The following CCDC62 variants were observed in gnomAD, a reference collection of about 807,000 sequenced individuals.
CCDC62 encodes the protein coiled-coil domain containing 62, also known as coiled-coil domain-containing protein 62.
CCDC62 carries 72 observed loss-of-function variants against 80.8 expected under a neutral mutation model. The observed-to-expected ratio is 0.89, with a 90% CI of 0.74 to 1.08. The LOEUF (loss-of-function observed/expected upper bound fraction) is 1.08. Among genes scored for constraint, CCDC62 ranks in the 50% least tolerant of loss-of-function variants. CCDC62 has a pLI of 0.00. For missense variants in CCDC62, 704 were observed against 809.4 expected (o/e 0.87, Z 1.58); for synonymous variants, 286 against 296.5 (o/e 0.96, Z 0.36).
intron 6 of CCDC62, among the ~76,000 whole-genome samples, chr12:122,793,375 CA>C (rs2030746623): frequency 6.6e-6 from 1 of 152,020 alleles, no homozygotes; most frequent in Non-Finnish European, 1.5e-5. Context: ...AAAGAAAGCC[CA>C]GTAGAATCAT....
At position 122,796,206 on chromosome 12, in the gene CCDC62, G is replaced by A. The variant is rs143253822; in HGVS notation, c.773-1101G>A. On this transcript the variant is annotated intron_variant, in intron 6 of 12. Coordinates refer to ENST00000253079, the MANE Select transcript of CCDC62 (RefSeq NM_201435.5). ...CACCTGCCCTCCCCCACCGCCCCCCGACAACCCCACTGGCCAACATTCAGA... is the reference window on the plus strand; with the variant it reads ...CACCTGCCCTCCCCCACCGCCCCCCAACAACCCCACTGGCCAACATTCAGA... Among the ~76,000 whole-genome samples, 66 of 76,130 alleles carry A rather than the reference G, an allele frequency of 8.7e-4. No homozygotes were observed. The East Asian group carries it at 0.02, about 23-fold the overall frequency. 49.9% of individuals were successfully genotyped at this position (76,130 alleles called of 152,430 possible).
chr12:122,812,635 T>C lies in CCDC62; in HGVS notation c.1852-635T>C, dbSNP rs2031944711. On this transcript the variant is annotated intron_variant, in intron 10 of 12. Transcript: ENST00000253079. Reference sequence around the variant, plus strand: ...GGTGGGTGCCTGTAGTCCCAGCTACTTGGGAGGCTGAGGTGGGTGGAGCTT... The same window carrying C: ...GGTGGGTGCCTGTAGTCCCAGCTACCTGGGAGGCTGAGGTGGGTGGAGCTT... 2.6e-5 allele frequency among the ~76,000 whole-genome samples: 2 copies of C among 78,334 alleles called. 1 individual carries two copies. Among genetic ancestry groups the C allele is most frequent in the Non-Finnish European group, 5.8e-5 (2 of 34,300 alleles). The allele number at this position is 78,334 out of a possible 152,430, so 51.4% of individuals were successfully genotyped here. A position where few individuals can be genotyped will look rare whatever the true frequency, so the allele number is the denominator to read the frequency against.
Position 122,812,770 on chromosome 12 carries a change from AG to A in CCDC62, c.1852-499del, listed in dbSNP as rs1336308339. ...GAGAGAGGGAGGGAGAGAGAGAGAGAGAGAGAGAGAAAGAAAGAAAGAAAGA... is the reference window on the plus strand; with the variant it reads ...GAGAGAGGGAGGGAGAGAGAGAGAGAAGAGAGAGAAAGAAAGAAAGAAAGA... On this transcript the variant is annotated intron_variant, in intron 10 of 12. Coordinates refer to ENST00000253079, the MANE Select transcript of CCDC62 (RefSeq NM_201435.5). 3.0e-3 allele frequency among the ~76,000 whole-genome samples: 275 copies of A among 92,532 alleles called. 2 individuals carry two copies. The highest frequency in any genetic ancestry group is 0.014 in the African/African-American group (260 of 19,182). 60.7% of individuals were successfully genotyped at this position (92,532 alleles called of 152,430 possible). A position where few individuals can be genotyped will look rare whatever the true frequency, so the allele number is the denominator to read the frequency against.
chr12:122,794,718 G>A (rs939840165), intron 6 of CCDC62, among the ~76,000 whole-genome samples: 23 of 151,998 alleles, frequency 1.5e-4, no homozygotes, highest in Admixed American at 5.2e-4. Context: ...GTGCAGTGGT[G>A]CAATCATAGC....
At chr12:122,782,025 CAAAAAAAA>C (rs370400310) in intron 3 of CCDC62, among the ~76,000 whole-genome samples, 2 of 65,390 alleles carry the variant, frequency 3.1e-5, no homozygotes, top group South Asian at 1.0e-3. Flanking sequence ...GCCTGGGTGA[CAAAAAAAA>C]AAAAAAAAAA....
At chr12:122,783,787 G>A (rs1337091267) in intron 3 of CCDC62, among the ~76,000 whole-genome samples, 1 of 152,164 alleles carries the variant, frequency 6.6e-6, no homozygotes, top group Non-Finnish European at 1.5e-5. Context: ...AGAAAGTAGA[G>A]AGAGTTCTCA....
intron 6 of CCDC62, among the ~76,000 whole-genome samples, chr12:122,796,790 T>G (rs2135552554): frequency 6.6e-6 from 1 of 152,148 alleles, no homozygotes; most frequent in South Asian, 2.1e-4. Context: ...GTAATATGTA[T>G]TAAGTATAGA....
intron 8 of CCDC62, 149 bp from the exon 9 acceptor site, chr12:122,800,975 C>T: frequency 1.4e-6 from 1 of 725,322 alleles, no homozygotes; most frequent in African/African-American, 1.8e-5. Context: ...GAAAGGATTC[C>T]TGGAGAAGGT....
At chr12:122,811,696 T>C (rs1266499290) in intron 10 of CCDC62, among the ~76,000 whole-genome samples, 2 of 150,932 alleles carry the variant, frequency 1.3e-5, no homozygotes, top group African/African-American at 4.9e-5. Context: ...GGCACATGCC[T>C]GTAGTCCCAG....
At chr12:122,812,891 T>A (rs1055891201) in intron 10 of CCDC62, among the ~76,000 whole-genome samples, 2 of 151,866 alleles carry the variant, frequency 1.3e-5, no homozygotes, top group African/African-American at 4.8e-5. Flanking sequence ...TTGTAACACC[T>A]AAAGACAAAG....
At chr12:122,814,118 C>T (rs2032059022) in intron 11 of CCDC62, among the ~76,000 whole-genome samples, 1 of 151,546 alleles carries the variant, frequency 6.6e-6, no homozygotes, top group South Asian at 2.1e-4. Flanking sequence ...CCCGTCTCTA[C>T]TAAAAATACA....
At chr12:122,789,010 G>C (rs939040278) in intron 5 of CCDC62, 81 bp downstream of exon 5, 8 of 1,113,872 alleles carry the variant, frequency 7.2e-6, no homozygotes, top group Non-Finnish European at 1.0e-5. Flanking sequence ...TTAATCTTAT[G>C]CTTGAGAGTA....
intron 2 of CCDC62, among the ~76,000 whole-genome samples, chr12:122,780,961 A>C (rs952474825): frequency 6.6e-6 from 1 of 152,216 alleles, no homozygotes; most frequent in African/African-American, 2.4e-5. Flanking sequence ...ATGTTCGGGA[A>C]GTGACCTCCA....
chr12:122,797,963 T>C lies in CCDC62; in HGVS notation c.862-122T>C, dbSNP rs2031061532. On this transcript the variant is annotated intron_variant, in intron 7 of 12. Coordinates refer to ENST00000253079, the MANE Select transcript of CCDC62 (RefSeq NM_201435.5). ...TTAAAAGCAGACATATTTAGCATAT[T>C]TCTCTAGTAACTATCTGACCTGTTT... The C allele has an allele frequency of 4.9e-6, 3 of 616,270 alleles. No homozygotes were observed. The South Asian group carries it at 6.0e-5, about 12-fold the overall frequency. 38.2% of individuals were successfully genotyped at this position (616,270 alleles called of 1,614,324 possible).
In CCDC62 at chr12:122,792,137, G is replaced by A. The variant is rs752397553; in HGVS notation, c.772+16G>A. ...CTTTTTACTGGTAAAACAGATGATC[G>A]AATGTATTTGTAACCTAGACTTGCA... is the stretch of plus-strand genomic sequence containing the variant. On this transcript the variant is annotated intron_variant, in intron 6 of 12. Coordinates refer to ENST00000253079, the MANE Select transcript of CCDC62 (RefSeq NM_201435.5). 11 of 1,469,274 alleles carry A rather than the reference G, an allele frequency of 7.5e-6. No homozygotes were observed. In the Admixed American group the frequency reaches 1.7e-4, roughly 22 times the overall value. The allele number at this position is 1,469,274 out of a possible 1,614,324, so 91.0% of individuals were successfully genotyped here. A position where few individuals can be genotyped will look rare whatever the true frequency, so the allele number is the denominator to read the frequency against.
At position 122,797,323 on chromosome 12, in the gene CCDC62, G is replaced by T. The variant is rs764051643; in HGVS notation, c.789G>T (p.Arg263Ser). Residue 263 changes from arginine (R) to serine (S), a missense_variant, in exon 7 of 13, where the codon AGG (arginine) becomes AGT (serine). Coordinates refer to ENST00000253079, the MANE Select transcript of CCDC62 (RefSeq NM_201435.5). ...ELLFTVEREK[R>S]KDELLNIAKS... Reference sequence around the variant, plus strand: ...CTTAAATAGTAGAGAGAGAAAAGAGGAAAGATGAATTGCTTAATATTGCGA... The same window carrying T: ...CTTAAATAGTAGAGAGAGAAAAGAGTAAAGATGAATTGCTTAATATTGCGA... 6 of 1,569,972 alleles carry T rather than the reference G, an allele frequency of 3.8e-6. No individual in the cohort carries two copies. Among genetic ancestry groups the T allele is most frequent in the Non-Finnish European group, 4.4e-6 (5 of 1,140,412 alleles).
intron 2 of CCDC62, among the ~76,000 whole-genome samples, chr12:122,779,382 G>A (rs531170190): frequency 3.0e-4 from 45 of 152,238 alleles, no homozygotes; most frequent in African/African-American, 1.1e-3. Context: ...AGCTGAAGGT[G>A]TGCATATCCT....
intron 10 of CCDC62, among the ~76,000 whole-genome samples, chr12:122,807,767 G>A (rs973749753): frequency 2.0e-5 from 3 of 152,032 alleles, no homozygotes; most frequent in Admixed American, 6.6e-5. Context: ...TGCCCTGTGC[G>A]TCCCTCCCTA....
At chr12:122,826,335 A>G in intron 12 of CCDC62, 87 bp from the exon 13 acceptor site, 1 of 721,186 alleles carries the variant, frequency 1.4e-6, no homozygotes, top group Non-Finnish European at 2.6e-6. Flanking sequence ...TAGAGTTAAT[A>G]TTTTAGACGC....
Sources: allele counts gnomAD v4.1 joint callset (sites outside exome capture counted in the v4.1 genomes callset), GRCh38; gene constraint gnomAD v4.1.1; transcripts MANE v1.5; gene names NCBI Gene and HGNC (gene_info 2026-07-23, HGNC 2026-07-21).